RMP64: variants seen among roughly 807,000 people sequenced by gnomAD.
RMP64 encodes nucleolus and neural progenitor protein.
chr3:113,012,545 T>TACAGC, the RMP64 span: 2 of 440,726 alleles, frequency 4.5e-6, no homozygotes, highest in African/African-American at 4.0e-5. Flanking sequence ...ATACAAAGCC[T>TACAGC]ACTCCTTTGA....
the RMP64 span, among the ~76,000 whole-genome samples, chr3:113,006,935 A>G: frequency 6.6e-6 from 1 of 152,218 alleles, no homozygotes; most frequent in South Asian, 2.1e-4. Context: ...CATTAAATAA[A>G]TTATAAAGTT....
the RMP64 span, among the ~76,000 whole-genome samples, chr3:113,006,852 C>T: frequency 6.6e-6 from 1 of 152,162 alleles, no homozygotes. Flanking sequence ...CATCTAACCC[C>T]TTGAGCAAAA....
At chr3:113,005,877 T>C in the RMP64 span, 1 of 1,613,738 alleles carries the variant, frequency 6.2e-7, no homozygotes, top group Admixed American at 1.7e-5. Context: ...TGTGGTTTCC[T>C]TTGTCTCCGT....
At chr3:113,008,259 T>C in the RMP64 span, 1 of 1,614,172 alleles carries the variant, frequency 6.2e-7, no homozygotes, top group Non-Finnish European at 8.5e-7. Context: ...AGTTTTTTGC[T>C]CCTGCACCAT....
the RMP64 span, chr3:113,008,206 G>T: frequency 6.2e-7 from 1 of 1,614,114 alleles, no homozygotes. Context: ...TAAGCCGGTT[G>T]CTTTTAAGAA....
the RMP64 span, chr3:113,019,546 G>T: frequency 6.2e-7 from 1 of 1,611,950 alleles, no homozygotes; most frequent in South Asian, 1.1e-5. Context: ...ACTCACCAAG[G>T]GCCGCGCCGG....
the RMP64 span, chr3:113,019,595 G>C: frequency 8.1e-6 from 13 of 1,613,800 alleles, no homozygotes; most frequent in African/African-American, 2.7e-5. Flanking sequence ...CCCCGCCTTA[G>C]GGATTCTCAC....
At chr3:113,017,390 C>T in the RMP64 span, 1 of 1,381,598 alleles carries the variant, frequency 7.2e-7, no homozygotes, top group Non-Finnish European at 1.0e-6. Context: ...TAGTAAGTGG[C>T]AGTGTGATCT....
At chr3:113,011,228 T>A in the RMP64 span, 11 of 1,611,642 alleles carry the variant, frequency 6.8e-6, no homozygotes, top group Non-Finnish European at 9.3e-6. Context: ...GCAAAAGCTA[T>A]AGGCATTTTT....
the RMP64 span, among the ~76,000 whole-genome samples, chr3:113,007,657 A>G: frequency 2.0e-5 from 3 of 151,884 alleles, no homozygotes; most frequent in Non-Finnish European, 4.4e-5. Flanking sequence ...TAAAAATCAC[A>G]GAAAAGAAAT....
the RMP64 span, chr3:113,013,945 T>C: frequency 6.2e-7 from 1 of 1,602,778 alleles, no homozygotes; most frequent in East Asian, 2.2e-5. Context: ...ACTGGACCAC[T>C]TACTTACTTG....
chr3:113,013,476 T>C, the RMP64 span: 4 of 889,158 alleles, frequency 4.5e-6, no homozygotes, highest in Non-Finnish European at 6.7e-6. Flanking sequence ...TTTTTTTTTT[T>C]ACATTTACCA....
At chr3:113,006,076 C>A in the RMP64 span, 1 of 1,046,316 alleles carries the variant, frequency 9.6e-7, no homozygotes, top group Non-Finnish European at 1.4e-6. Flanking sequence ...TTTAATTTAC[C>A]AACTGAAAAG....
chr3:113,003,358 A>AATC, the RMP64 span: 1 of 152,116 alleles, frequency 6.6e-6, no homozygotes, highest in Non-Finnish European at 1.5e-5. Flanking sequence ...TAATAATAAT[A>AATC]ATAATTCACT....
chr3:113,016,649 T>A, the RMP64 span, among the ~76,000 whole-genome samples: 3 of 152,222 alleles, frequency 2.0e-5, no homozygotes, highest in Non-Finnish European at 2.9e-5. Context: ...CTTCACCCTG[T>A]TTGCTTTAAG....
the RMP64 span, chr3:113,013,078 G>A: frequency 1.5e-6 from 1 of 646,624 alleles, no homozygotes; most frequent in Non-Finnish European, 2.7e-6. Context: ...AATACGTGCT[G>A]AACAGTGACA....
At chr3:113,005,426 A>G in the RMP64 span, 14 of 692,278 alleles carry the variant, frequency 2.0e-5, no homozygotes, top group East Asian at 3.1e-4. Flanking sequence ...ATGCTGCACT[A>G]AAGCAGCTCC....
chr3:113,013,423 G>C, the RMP64 span: 15 of 1,418,532 alleles, frequency 1.1e-5, no homozygotes, highest in South Asian at 1.6e-4. Flanking sequence ...AATAGAAAAA[G>C]TACATTACTT....
chr3:113,004,099 G>A, the RMP64 span: 6 of 152,130 alleles, frequency 3.9e-5, no homozygotes, highest in Non-Finnish European at 8.8e-5. Flanking sequence ...AAATCTCCTT[G>A]GTATTGTCTG....
Sources: gnomAD v4.1 joint callset for allele counts (sites outside exome capture counted in the v4.1 genomes callset) on GRCh38, gnomAD v4.1.1 for gene constraint, MANE v1.5 for transcripts, NCBI Gene and HGNC (gene_info 2026-07-23, HGNC 2026-07-21) for gene names.